NCSTN: variants seen among roughly 807,000 people sequenced by gnomAD.
NCSTN encodes nicastrin, also known as anterior pharynx-defective 2.
NCSTN carries 22 observed loss-of-function variants against 87.0 expected under a neutral mutation model. The ratio of observed to expected loss-of-function variants is 0.25; its 90% confidence interval spans 0.18 to 0.36. The LOEUF (loss-of-function observed/expected upper bound fraction) is 0.36. NCSTN is among the 10% of genes least tolerant of loss of function. The pLI, the probability that NCSTN is intolerant of heterozygous loss-of-function variation, is 1.00. For missense variants in NCSTN, 693 were observed against 883.3 expected, an observed-to-expected ratio of 0.78 and a Z score of 2.73; for synonymous variants, 306 against 327.1, an observed-to-expected ratio of 0.94 and a Z score of 0.69.
intron 6 of NCSTN, 124 bp from the exon 7 acceptor site, chr1:160,351,572 A>G (rs1648839733): frequency 2.4e-6 from 3 of 1,244,316 alleles, no homozygotes; most frequent in Non-Finnish European, 3.6e-6. Flanking sequence ...CCAACCTCGG[A>G]CTGTTGGAAG....
chr1:160,348,023 G>A (rs1436121389), intron 2 of NCSTN, among the ~76,000 whole-genome samples: 1 of 152,278 alleles, frequency 6.6e-6, no homozygotes, highest in African/African-American at 2.4e-5. Context: ...AGCACTTTGG[G>A]AGGCTGAGTG....
Position 160,345,938 on chromosome 1 carries a change from GAAAAAAA to G in NCSTN, c.190+1129_190+1135del, listed in dbSNP as rs56358787. 5.2e-4 allele frequency among the ~76,000 whole-genome samples: 31 copies of G among 59,790 alleles called. No individual in the cohort carries two copies. In the East Asian group the frequency reaches 8.0e-3, roughly 15 times the overall value. The allele number at this position is 59,790 out of a possible 152,430, so 39.2% of individuals were successfully genotyped here. On this transcript the variant is annotated intron_variant, in intron 2 of 16. Transcript: ENST00000294785. Reference sequence around the variant, plus strand: ...TAGGTGACAGAGTGAGACACTGTCTGAAAAAAAAAAAAAAAAAAAAAAAGAAAATGCT... The same window carrying G: ...TAGGTGACAGAGTGAGACACTGTCTGAAAAAAAAAAAAAAAAGAAAATGCT...
Position 160,357,184 on chromosome 1 carries a change from T to C in NCSTN, c.1938T>C (p.Ser646=). 1 of 1,614,172 alleles carries C rather than the reference T, an allele frequency of 6.2e-7. No individual in the cohort carries two copies. Among genetic ancestry groups the C allele is most frequent in the Non-Finnish European group, 8.5e-7 (1 of 1,180,024 alleles). The change falls in exon 16 of 17, where the codon TCT becomes TCC. Residue 646 remains serine, a synonymous_variant. Coordinates refer to ENST00000294785, the MANE Select transcript of NCSTN (RefSeq NM_015331.3). The part of the protein sequence containing the change: ...ELSQWSSTEY[S]TWTESRWKDI... ...GTCAGTGGAGCTCTACTGAATACTC[T>C]ACATGGACTGAGAGCCGCTGGAAAG...
intron 10 of NCSTN, 90 bp from the exon 11 acceptor site, chr1:160,354,028 C>G: frequency 7.3e-7 from 1 of 1,376,006 alleles, no homozygotes; most frequent in Non-Finnish European, 1.0e-6. Context: ...AAGCAGGGAA[C>G]TTGAAGTATA....
intron 2 of NCSTN, among the ~76,000 whole-genome samples, chr1:160,346,017 T>C (rs1330259731): frequency 6.6e-6 from 1 of 152,104 alleles, no homozygotes; most frequent in African/African-American, 2.4e-5. Context: ...TATCCTTTTT[T>C]AAAACTTTTT....
Position 160,356,962 on chromosome 1 carries a change from A to G in NCSTN, c.1795-79A>G. On this transcript the variant is annotated intron_variant, in intron 15 of 16. Coordinates refer to ENST00000294785, the MANE Select transcript of NCSTN (RefSeq NM_015331.3). ...GCCAGTTAGCTCAATTGGTTAGAGC[A>G]TGGCACTGATAGAGGGTAGAGGGAA... 1.3e-5 allele frequency: 19 copies of G among 1,433,978 alleles called. No homozygotes were observed. The South Asian group carries it at 2.0e-4, about 15-fold the overall frequency. 88.8% of individuals were successfully genotyped at this position (1,433,978 alleles called of 1,614,324 possible).
intron 2 of NCSTN, among the ~76,000 whole-genome samples, chr1:160,346,604 A>C (rs1648504402): frequency 6.6e-6 from 1 of 150,572 alleles, no homozygotes; most frequent in Non-Finnish European, 1.5e-5. Flanking sequence ...TGTTGTACTT[A>C]GTTTCTTTTT....
In NCSTN at chr1:160,350,129, C is replaced by T. The variant is rs1162962499; in HGVS notation, c.461C>T (p.Pro154Leu). ...GGTGTTTACTCCAATTCCTATGGGC[C>T]AGAGTTTGCTCACTGCAGAGAAATA... ...GFGVYSNSYG[P>L]EFAHCREIQW... is the part of the protein sequence containing the mutation. The change falls in exon 5 of 17, where the codon CCA (proline) becomes CTA (leucine). Residue 154 changes from proline (P) to leucine (L), a missense_variant. By Grantham distance (98) the Pro-to-Leu change is moderately conservative. Coordinates refer to ENST00000294785, the MANE Select transcript of NCSTN (RefSeq NM_015331.3). 6 of 1,613,950 alleles carry T rather than the reference C, an allele frequency of 3.7e-6. No homozygotes were observed. In the Admixed American group the frequency reaches 6.7e-5, roughly 18 times the overall value.
intron 2 of NCSTN, chr1:160,345,307 C>T: frequency 4.8e-6 from 1 of 206,992 alleles, no homozygotes; most frequent in South Asian, 6.7e-5. Context: ...ATTCTCCTGC[C>T]TCAGCCTCTT....
At chr1:160,343,961 T>G (rs920350948) in intron 1 of NCSTN, 3 of 265,396 alleles carry the variant, frequency 1.1e-5, no homozygotes, top group South Asian at 3.3e-5. Flanking sequence ...CAGGTTTTTT[T>G]TTTTTTTTTT....
rs1649130609 is a variant in NCSTN, at chr1:160,356,392, A to T, written c.1639+45A>T. 2.0e-6 allele frequency: 3 copies of T among 1,519,166 alleles called. No individual in the cohort carries two copies. In the South Asian group the frequency reaches 3.4e-5, roughly 17 times the overall value. The allele number at this position is 1,519,166 out of a possible 1,614,324, so 94.1% of individuals were successfully genotyped here. The stretch of plus-strand genomic sequence containing the variant: ...ATGGGACCCTTAGCTGAGGAAAGGG[A>T]TAGAGAAAAAGTCTTTTGGTTTAAC... On this transcript the variant is annotated intron_variant, in intron 14 of 16. Coordinates refer to ENST00000294785, the MANE Select transcript of NCSTN (RefSeq NM_015331.3).
intron 2 of NCSTN, among the ~76,000 whole-genome samples, chr1:160,348,173 C>G (rs1250957156): frequency 6.6e-6 from 1 of 152,196 alleles, no homozygotes; most frequent in Non-Finnish European, 1.5e-5. Context: ...TCACTGGGGA[C>G]TTAAGGAGTA....
At chr1:160,351,398 T>C in intron 6 of NCSTN, 26 bp downstream of exon 6, 1 of 1,611,860 alleles carries the variant, frequency 6.2e-7, no homozygotes, top group Non-Finnish European at 8.5e-7. Context: ...ACCATGAGGG[T>C]AATGGAATAA....
chr1:160,355,950 C>G lies in NCSTN; in HGVS notation c.1543C>G (p.Pro515Ala). The change falls in exon 13 of 17, where the codon CCC (proline) becomes GCC (alanine). Residue 515 changes from proline (P) to alanine (A), a missense_variant. By Grantham distance (27) the Pro-to-Ala change is conservative. Transcript: ENST00000294785. ...TNFSDTVQAD[P>A]QTVTRLLYGF... The stretch of plus-strand genomic sequence containing the variant: ...CTTCAGCGACACAGTTCAGGCTGAT[C>G]CCCAAACGGTAAGCAGATGGGCCCT... 6.2e-7 allele frequency: 1 copy of G among 1,612,904 alleles called. No homozygotes were observed. Among genetic ancestry groups the G allele is most frequent in the Non-Finnish European group, 8.5e-7 (1 of 1,178,936 alleles).
At chr1:160,347,613 GGTGTGT>G (rs147319616) in intron 2 of NCSTN, among the ~76,000 whole-genome samples, 2 of 150,876 alleles carry the variant, frequency 1.3e-5, no homozygotes, top group Non-Finnish European at 3.0e-5. Context: ...GAAGTTTTGG[GGTGTGT>G]GTGTGTGTGT....
chr1:160,344,482 T>A, intron 1 of NCSTN: 1 of 1,523,788 alleles, frequency 6.6e-7, no homozygotes, highest in Non-Finnish European at 8.8e-7. Context: ...TTAGTGTCAC[T>A]GTCAATGGCG....
At chr1:160,351,047 C>A (rs979645061) in intron 5 of NCSTN, among the ~76,000 whole-genome samples, 175 bp from the exon 6 acceptor site, 4 of 152,126 alleles carry the variant, frequency 2.6e-5, no homozygotes, top group African/African-American at 9.7e-5. Flanking sequence ...GAGTTTTTTT[C>A]TTTGACCTTA....
At chr1:160,349,198 T>C in intron 3 of NCSTN, 76 bp downstream of exon 3, 1 of 1,592,712 alleles carries the variant, frequency 6.3e-7, no homozygotes, top group South Asian at 1.1e-5. Flanking sequence ...CACTTATTAG[T>C]GAAAACTTCC....
chr1:160,354,151 G>C lies in NCSTN; in HGVS notation c.1213G>C (p.Gly405Arg), dbSNP rs201799492. 4 of 1,614,120 alleles carry C rather than the reference G, an allele frequency of 2.5e-6. No homozygotes were observed. The highest frequency in any genetic ancestry group is 1.6e-4 in the Middle Eastern group (1 of 6,062). The change falls in exon 11 of 17, where the codon GGT (glycine) becomes CGT (arginine). Residue 405 changes from glycine to arginine, a missense_variant. Gly to Arg is a moderately radical substitution (Grantham distance 125). This residue lies in a region of NCSTN where 108 missense variants were observed against 111.6 expected (regional missense o/e 0.97). Transcript: ENST00000294785. ...EDLLATLEKS[G>R]AGVPAVILRR... ...TCTCCTGGCCACATTGGAGAAGAGTGGTGCTGGTGTCCCTGCTGTCATCCT... is the reference window on the plus strand; with the variant it reads ...TCTCCTGGCCACATTGGAGAAGAGTCGTGCTGGTGTCCCTGCTGTCATCCT...
Sources: gnomAD v4.1 joint callset for allele counts (sites outside exome capture counted in the v4.1 genomes callset) on GRCh38, gnomAD v4.1.1 for gene constraint, gnomAD v4.1.1 regional missense constraint, MANE v1.5 for transcripts, NCBI Gene and HGNC (gene_info 2026-07-23, HGNC 2026-07-21) for gene names.